Variants in SGCZ observed in about 807,000 individuals in gnomAD.
SGCZ encodes sarcoglycan zeta, also known as zeta-sarcoglycan.
A neutral mutation model predicts 41.3 loss-of-function variants in SGCZ; 40 were observed. The ratio of observed to expected loss-of-function variants is 0.97; its 90% CI spans 0.75 to 1.26. The LOEUF (loss-of-function observed/expected upper bound fraction) is 1.26, where lower values mean the gene tolerates loss of function less well. Ranked by LOEUF, SGCZ falls within the 50% of genes most tolerant of loss-of-function variation. The pLI, the probability that SGCZ is intolerant of heterozygous loss-of-function variation, is 0.00. For missense variants in SGCZ, 552 were observed against 369.8 expected (o/e 1.49, Z -4.04); for synonymous variants, 206 against 137.5 (o/e 1.50, Z -3.49).
intron 2 of SGCZ, among the ~76,000 whole-genome samples, chr8:14,387,256 T>G (rs564569420): frequency 1.3e-5 from 2 of 152,298 alleles, no homozygotes; most frequent in South Asian, 4.1e-4. Flanking sequence ...CTTGCTCTGT[T>G]GCCCAGACTG....
chr8:14,582,680 C>G (rs1190103882), intron 1 of SGCZ, among the ~76,000 whole-genome samples: 2 of 130,582 alleles, frequency 1.5e-5, no homozygotes, highest in Non-Finnish European at 3.2e-5. Context: ...CACAACAGTC[C>G]CCAGAGTGTG....
intron 1 of SGCZ, among the ~76,000 whole-genome samples, chr8:15,015,757 GT>G (rs1803008368): frequency 6.7e-6 from 1 of 150,060 alleles, no homozygotes; most frequent in African/African-American, 2.5e-5. Context: ...GTGTGTGTGT[GT>G]GTGTGTGTGT....
intron 1 of SGCZ, among the ~76,000 whole-genome samples, chr8:15,141,518 C>T (rs1213941341): frequency 6.6e-6 from 1 of 152,200 alleles, no homozygotes; most frequent in Non-Finnish European, 1.5e-5. Flanking sequence ...ATTGTACTCT[C>T]AATGATGATA....
At chr8:14,365,805 G>T (rs1803685475) in intron 2 of SGCZ, among the ~76,000 whole-genome samples, 1 of 151,702 alleles carries the variant, frequency 6.6e-6, no homozygotes, top group South Asian at 2.1e-4. Context: ...AAATTTATTG[G>T]GATAAGGCTG....
At chr8:14,116,821 C>A (rs1383611472) in intron 5 of SGCZ, among the ~76,000 whole-genome samples, 1 of 152,066 alleles carries the variant, frequency 6.6e-6, no homozygotes, top group Non-Finnish European at 1.5e-5. Context: ...TGGCACGTTT[C>A]TCCAGAACCA....
At chr8:14,362,645 A>AC (rs566273260) in intron 2 of SGCZ, among the ~76,000 whole-genome samples, 21 of 151,798 alleles carry the variant, frequency 1.4e-4, no homozygotes, top group Admixed American at 4.6e-4. Flanking sequence ...GACCCCTTGC[A>AC]CCCCCCAGAT....
intron 5 of SGCZ, among the ~76,000 whole-genome samples, chr8:14,108,872 A>G (rs1802290170): frequency 6.6e-6 from 1 of 152,310 alleles, no homozygotes; most frequent in Admixed American, 6.5e-5. Context: ...ACAAAAGCTC[A>G]TCTCTGTCCC....
At chr8:14,595,420 C>A (rs1270786775) in intron 1 of SGCZ, among the ~76,000 whole-genome samples, 1 of 151,658 alleles carries the variant, frequency 6.6e-6, no homozygotes, top group African/African-American at 2.4e-5. Flanking sequence ...CACACACACA[C>A]ACACACACAC....
At chr8:15,206,527 G>T (rs1360204900) in intron 1 of SGCZ, among the ~76,000 whole-genome samples, 1 of 149,014 alleles carries the variant, frequency 6.7e-6, no homozygotes, top group Non-Finnish European at 1.5e-5. Flanking sequence ...TTGGCTCACT[G>T]CAACCTCTGC....
chr8:15,157,801 G>C (rs901883507), intron 1 of SGCZ, among the ~76,000 whole-genome samples: 1 of 152,196 alleles, frequency 6.6e-6, no homozygotes, highest in African/African-American at 2.4e-5. Context: ...AACTATGCTA[G>C]TGGAATATGG....
intron 3 of SGCZ, among the ~76,000 whole-genome samples, chr8:14,256,162 TC>T (rs1445347927): frequency 6.6e-6 from 1 of 152,174 alleles, no homozygotes; most frequent in Non-Finnish European, 1.5e-5. Context: ...ATGCTTTCTT[TC>T]TTTAATATGC....
chr8:15,207,170 A>C (rs1801094992), intron 1 of SGCZ, among the ~76,000 whole-genome samples: 1 of 152,218 alleles, frequency 6.6e-6, no homozygotes, highest in Admixed American at 6.5e-5. Context: ...ATTTAAGAGC[A>C]GAAAAAGCTG....
chr8:15,190,242 A>G (rs1800487473), intron 1 of SGCZ, among the ~76,000 whole-genome samples: 1 of 152,168 alleles, frequency 6.6e-6, no homozygotes, highest in Admixed American at 6.5e-5. Context: ...CCTTTAAGTA[A>G]CCCTGATATC....
intron 1 of SGCZ, among the ~76,000 whole-genome samples, chr8:14,693,944 T>C (rs756992789): frequency 6.6e-6 from 1 of 152,176 alleles, no homozygotes; most frequent in Non-Finnish European, 1.5e-5. Context: ...ACCATTAATA[T>C]ACCTTATGCA....
chr8:14,270,860 A>G (rs577352489), intron 3 of SGCZ, among the ~76,000 whole-genome samples: 1 of 152,304 alleles, frequency 6.6e-6, no homozygotes, highest in South Asian at 2.1e-4. Context: ...ATGGAATACT[A>G]TGCAGCCATA....
At chr8:14,268,523 A>T (rs1248551370) in intron 3 of SGCZ, among the ~76,000 whole-genome samples, 4 of 151,900 alleles carry the variant, frequency 2.6e-5, no homozygotes, top group Non-Finnish European at 5.9e-5. Flanking sequence ...CAAGTCACAG[A>T]CAGTTTTTCA....
At chr8:15,157,870 G>A (rs10503537) in intron 1 of SGCZ, among the ~76,000 whole-genome samples, 6,516 of 152,186 alleles carry the variant, frequency 0.043, 337 homozygotes, top group African/African-American at 0.13. Context: ...ATACCCATTT[G>A]GCCTACAAAG....
intron 1 of SGCZ, among the ~76,000 whole-genome samples, chr8:14,951,347 A>C (rs1563386114): frequency 1.3e-5 from 2 of 152,018 alleles, no homozygotes; most frequent in South Asian, 4.1e-4. Flanking sequence ...ATGTGAACTC[A>C]AGATTTCTAA....
At chr8:14,289,276 AGT>A (rs1379356551) in intron 3 of SGCZ, among the ~76,000 whole-genome samples, 4 of 151,848 alleles carry the variant, frequency 2.6e-5, no homozygotes, top group Admixed American at 6.6e-5. Context: ...ATTATGAAGA[AGT>A]ATAATTTATC....
Sources: allele counts gnomAD v4.1 joint callset (sites outside exome capture counted in the v4.1 genomes callset), GRCh38; gene constraint gnomAD v4.1.1; transcripts MANE v1.5; gene names NCBI Gene and HGNC (gene_info 2026-07-23, HGNC 2026-07-21).